Variants in NOVA1 observed in about 807,000 individuals in gnomAD.
NOVA1 encodes the protein NOVA alternative splicing regulator 1, also known as RNA-binding protein Nova-1.
A neutral mutation model predicts 38.0 loss-of-function variants in NOVA1; 7 were observed. That is an observed-to-expected ratio of 0.18 (90% CI 0.10 to 0.35). The LOEUF is 0.35. Among genes scored for constraint, NOVA1 ranks in the 10% least tolerant of loss-of-function variants. The pLI, the probability that NOVA1 is intolerant of heterozygous loss-of-function variation, is 1.00. For missense variants in NOVA1, 460 were observed against 616.0 expected, an observed-to-expected ratio of 0.75 and a Z score of 2.68; for synonymous variants, 270 against 232.5, an observed-to-expected ratio of 1.16 and a Z score of -1.47.
chr14:26,558,983 G>T (rs178165), intron 2 of NOVA1, among the ~76,000 whole-genome samples: 21 of 151,626 alleles, frequency 1.4e-4, no homozygotes, highest in Non-Finnish European at 2.9e-4. Flanking sequence ...CATGCACCTC[G>T]CTTGGATGCA....
At chr14:26,570,176 G>A (rs946884582) in intron 2 of NOVA1, among the ~76,000 whole-genome samples, 10 of 151,960 alleles carry the variant, frequency 6.6e-5, no homozygotes, top group Admixed American at 6.6e-4. Flanking sequence ...GTGAAACCCT[G>A]TCTCTACTAA....
chr14:26,541,137 G>C (rs1307812180), intron 2 of NOVA1, among the ~76,000 whole-genome samples: 3 of 152,086 alleles, frequency 2.0e-5, no homozygotes, highest in Non-Finnish European at 4.4e-5. Context: ...AATGAGAATA[G>C]GGAACTTCTG....
intron 2 of NOVA1, among the ~76,000 whole-genome samples, chr14:26,498,468 G>T (rs999220419): frequency 1.3e-5 from 2 of 152,008 alleles, no homozygotes; most frequent in South Asian, 2.1e-4. Context: ...TAATAAGCCC[G>T]TTATTTTATA....
intron 1 of NOVA1, chr14:26,596,690 C>G (rs1894211982): frequency 7.8e-7 from 1 of 1,288,362 alleles, no homozygotes; most frequent in African/African-American, 1.5e-5. Context: ...TAACAAGTCA[C>G]CGTTCCAGAC....
chr14:26,480,916 ATATTATTAATAGTATT>A (rs2138299329), intron 2 of NOVA1, among the ~76,000 whole-genome samples: 1 of 152,174 alleles, frequency 6.6e-6, no homozygotes, highest in African/African-American at 2.4e-5. Flanking sequence ...TTTGTTAAAG[ATATTATTAATAGTATT>A]TATTTAATAT....
intron 2 of NOVA1, among the ~76,000 whole-genome samples, chr14:26,578,509 T>G (rs1197620207): frequency 6.6e-6 from 1 of 151,974 alleles, no homozygotes; most frequent in African/African-American, 2.4e-5. Context: ...AGAAAAAAAG[T>G]AGAGGTAGGC....
intron 2 of NOVA1, among the ~76,000 whole-genome samples, chr14:26,486,807 TG>T (rs1885948705): frequency 6.6e-6 from 1 of 151,434 alleles, no homozygotes; most frequent in Non-Finnish European, 1.5e-5. Context: ...AAATCATTTT[TG>T]ATTTCATTTT....
At chr14:26,493,406 T>G (rs1426380272) in intron 2 of NOVA1, among the ~76,000 whole-genome samples, 1 of 152,216 alleles carries the variant, frequency 6.6e-6, no homozygotes, top group Non-Finnish European at 1.5e-5. Context: ...CAATTCTTCT[T>G]TCATATAAGT....
rs59758061 is a variant in NOVA1 at position 26,570,387 on chromosome 14, TAA to T, written c.280+25021_280+25022del. The stretch of plus-strand genomic sequence containing the variant: ...AAATAAAATGTATAAACTATGAAAT[TAA>T]AAAAAAAAAACTCAACTGAACAAAG... On this transcript the variant is annotated intron_variant, in intron 2 of 4. Coordinates refer to ENST00000539517, the MANE Select transcript of NOVA1 (RefSeq NM_002515.3). 4.8e-5 allele frequency among the ~76,000 whole-genome samples: 7 copies of T among 145,072 alleles called. No individual in the cohort carries two copies. In the East Asian group the frequency reaches 6.0e-4, roughly 12 times the overall value.
At chr14:26,511,231 C>T (rs1250126208) in intron 2 of NOVA1, among the ~76,000 whole-genome samples, 1 of 151,354 alleles carries the variant, frequency 6.6e-6, no homozygotes, top group Non-Finnish European at 1.5e-5. Flanking sequence ...GGCTAAGTTC[C>T]CCACATGTAC....
At chr14:26,450,168 A>T (rs1311455748) in intron 4 of NOVA1, among the ~76,000 whole-genome samples, 2 of 152,158 alleles carry the variant, frequency 1.3e-5, no homozygotes, top group Admixed American at 1.3e-4. Context: ...TGAGCAGGAC[A>T]TTTAGTTGTT....
At chr14:26,540,840 T>C (rs1208069695) in intron 2 of NOVA1, among the ~76,000 whole-genome samples, 1 of 152,204 alleles carries the variant, frequency 6.6e-6, no homozygotes, top group Non-Finnish European at 1.5e-5. Flanking sequence ...ATATCCTCCA[T>C]GGAAAGCACA....
chr14:26,509,598 A>C (rs1713624146), intron 2 of NOVA1, among the ~76,000 whole-genome samples: 1 of 152,222 alleles, frequency 6.6e-6, no homozygotes, highest in Non-Finnish European at 1.5e-5. Flanking sequence ...AATTAGGCAC[A>C]CTGCACATTT....
At chr14:26,484,733 T>C (rs78776782) in intron 2 of NOVA1, among the ~76,000 whole-genome samples, 1,555 of 152,288 alleles carry the variant, frequency 0.01, 10 homozygotes, top group Non-Finnish European at 0.017. Flanking sequence ...AATCTAATCT[T>C]CAAGTCTTCA....
intron 3 of NOVA1, among the ~76,000 whole-genome samples, chr14:26,472,701 G>C (rs1023616970): frequency 2.0e-5 from 3 of 150,070 alleles, no homozygotes; most frequent in Non-Finnish European, 4.4e-5. Flanking sequence ...TTTCCCTCTT[G>C]TTTTCTTGGG....
At position 26,472,374 on chromosome 14, in the gene NOVA1, T is replaced by C. The variant is rs779309993; in HGVS notation, c.465A>G (p.Pro155=). ...DRIKQTLPSS[P]TTTKSSPSDP... ...CAGATGGAGAGGACTTGGTGGTAGTTGGGGAAGATGGCAATGTCTGGGAAA... is the reference window on the plus strand; with the variant it reads ...CAGATGGAGAGGACTTGGTGGTAGTCGGGGAAGATGGCAATGTCTGGGAAA... Residue 155 remains proline (P), a synonymous_variant, in exon 4 of 5, where the codon CCA becomes CCG. Transcript: ENST00000539517. 6.5e-7 allele frequency: 1 copy of C among 1,542,114 alleles called. No homozygotes were observed.
At chr14:26,469,778 A>T (rs1298123942) in intron 4 of NOVA1, among the ~76,000 whole-genome samples, 1 of 152,112 alleles carries the variant, frequency 6.6e-6, no homozygotes, top group East Asian at 1.9e-4. Flanking sequence ...ATACATTTTT[A>T]GAGACAGGGT....
intron 2 of NOVA1, among the ~76,000 whole-genome samples, chr14:26,577,839 A>C (rs891340118): frequency 4.6e-5 from 7 of 152,160 alleles, no homozygotes; most frequent in African/African-American, 1.7e-4. Context: ...GATATAAAGC[A>C]GGCAGCTGCA....
At chr14:26,477,037 T>A (rs1427768424) in intron 3 of NOVA1, among the ~76,000 whole-genome samples, 1 of 152,226 alleles carries the variant, frequency 6.6e-6, no homozygotes, top group Non-Finnish European at 1.5e-5. Context: ...TTTTATAGCA[T>A]ATTGTTTACA....
Sources: allele counts gnomAD v4.1 joint callset (sites outside exome capture counted in the v4.1 genomes callset), GRCh38; gene constraint gnomAD v4.1.1; transcripts MANE v1.5; gene names NCBI Gene and HGNC (gene_info 2026-07-23, HGNC 2026-07-21).